Variants in KHDRBS2 observed in about 807,000 individuals in gnomAD.
KHDRBS2 encodes the protein KH domain-containing, RNA-binding, signal transduction-associated protein 2.
A neutral mutation model predicts 44.3 loss-of-function variants in KHDRBS2; 26 were observed. The observed-to-expected ratio is 0.59, with a 90% CI of 0.43 to 0.81. The LOEUF (loss-of-function observed/expected upper bound fraction) is 0.81, where lower values mean the gene tolerates loss of function less well. Ranked by LOEUF, KHDRBS2 falls within the 40% of genes least tolerant of loss-of-function variation. The pLI is 0.00. For missense variants in KHDRBS2, 476 were observed against 433.1 expected (o/e 1.10, Z -0.88); for synonymous variants, 194 against 151.1 (o/e 1.28, Z -2.08).
chr6:61,987,161 C>T (rs1360736407), intron 3 of KHDRBS2, among the ~76,000 whole-genome samples: 2 of 152,150 alleles, frequency 1.3e-5, no homozygotes, highest in Non-Finnish European at 2.9e-5. Flanking sequence ...CTATTTCAGC[C>T]TTCGAATTCC....
At chr6:61,797,755 GTGTGTGTGTA>G (rs1785596045) in intron 6 of KHDRBS2, among the ~76,000 whole-genome samples, 1 of 145,498 alleles carries the variant, frequency 6.9e-6, no homozygotes, top group African/African-American at 2.5e-5. Flanking sequence ...GTGTGTGTGT[GTGTGTGTGTA>G]TGTATATATA....
chr6:61,664,691 C>T, the KHDRBS2 span, among the ~76,000 whole-genome samples: 24 of 151,680 alleles, frequency 1.6e-4, no homozygotes, highest in African/African-American at 5.8e-4. Flanking sequence ...TGGAAAATGA[C>T]AAATTTATCA....
chr6:61,899,733 G>GCC (rs34822365), intron 5 of KHDRBS2, among the ~76,000 whole-genome samples: 28,737 of 121,530 alleles, frequency 0.24, 4,092 homozygotes, highest in Non-Finnish European at 0.32. Context: ...TTGTTTTAAT[G>GCC]CCCCCCCCCC....
At position 61,686,899 on chromosome 6, in the gene KHDRBS2, CA is replaced by C. The variant is rs534792878; in HGVS notation, c.953-5840del. ...TTGATTCCAACAACAATTAATTAGC[CA>C]AAAAAAATGAGATTTACTGTAGTTT... On this transcript the variant is annotated intron_variant, in intron 8 of 8. Transcript: ENST00000281156. Among the ~76,000 whole-genome samples, 337 of 149,814 alleles carry C rather than the reference CA, an allele frequency of 2.2e-3. 4 individuals are homozygous for C. Among genetic ancestry groups the C allele is most frequent in the Admixed American group, 6.8e-3 (102 of 14,960 alleles).
chr6:61,913,975 G>C (rs1225410641), intron 4 of KHDRBS2, among the ~76,000 whole-genome samples: 2 of 152,016 alleles, frequency 1.3e-5, no homozygotes, highest in African/African-American at 4.8e-5. Flanking sequence ...AGTGCTTCTG[G>C]ACTTTATTGT....
At chr6:61,958,970 C>A (rs1258707446) in intron 4 of KHDRBS2, among the ~76,000 whole-genome samples, 1 of 152,208 alleles carries the variant, frequency 6.6e-6, no homozygotes, top group Non-Finnish European at 1.5e-5. Context: ...ACAGACAATG[C>A]TGCAGAACAA....
intron 2 of KHDRBS2, among the ~76,000 whole-genome samples, chr6:62,060,671 G>T (rs1156989822): frequency 6.6e-6 from 1 of 150,768 alleles, no homozygotes; most frequent in Non-Finnish European, 1.5e-5. Flanking sequence ...ATTTAAAAGA[G>T]AAATATCTAC....
chr6:62,080,305 C>T (rs916380143), intron 2 of KHDRBS2, among the ~76,000 whole-genome samples: 28 of 152,192 alleles, frequency 1.8e-4, no homozygotes, highest in African/African-American at 6.0e-4. Flanking sequence ...GCACAAACCT[C>T]TATAGACAAA....
At chr6:61,547,032 C>T in the KHDRBS2 span, among the ~76,000 whole-genome samples, 1 of 152,018 alleles carries the variant, frequency 6.6e-6, no homozygotes, top group Non-Finnish European at 1.5e-5. Flanking sequence ...CACACCCACA[C>T]TCACTCAGAT....
At chr6:62,081,922 A>G (rs1797478987) in intron 2 of KHDRBS2, among the ~76,000 whole-genome samples, 4 of 152,088 alleles carry the variant, frequency 2.6e-5, no homozygotes, top group Admixed American at 2.6e-4. Context: ...GTCAGATTTA[A>G]GTATTTAGTA....
chr6:61,565,352 A>G, the KHDRBS2 span, among the ~76,000 whole-genome samples: 1 of 152,204 alleles, frequency 6.6e-6, no homozygotes, highest in Non-Finnish European at 1.5e-5. Context: ...TGCACAACAA[A>G]GAAAACAATC....
At chr6:61,776,941 T>C (rs1440512928) in intron 6 of KHDRBS2, among the ~76,000 whole-genome samples, 4 of 152,130 alleles carry the variant, frequency 2.6e-5, no homozygotes, top group African/African-American at 9.7e-5. Flanking sequence ...ATATACACCA[T>C]GGAATACTAT....
chr6:61,647,702 G>T, the KHDRBS2 span, among the ~76,000 whole-genome samples: 2 of 152,150 alleles, frequency 1.3e-5, no homozygotes, highest in African/African-American at 4.8e-5. Flanking sequence ...AGCTAAAGAA[G>T]TAGAGGATAT....
chr6:61,614,304 A>G, the KHDRBS2 span, among the ~76,000 whole-genome samples: 3 of 152,170 alleles, frequency 2.0e-5, no homozygotes, highest in African/African-American at 7.2e-5. Flanking sequence ...GTAGTAACAT[A>G]AATAGTCATG....
Position 62,285,953 on chromosome 6 carries a change from C to G in KHDRBS2, c.-5G>C, listed in dbSNP as rs768147339. 51 of 1,591,616 alleles carry G rather than the reference C, an allele frequency of 3.2e-5. 1 individual carries two copies. In the East Asian group the frequency reaches 9.2e-4, roughly 29 times the overall value. The stretch of plus-strand genomic sequence containing the variant: ...CAAATATTTCTCCTCTTCCATAGCG[C>G]GGACTTCGGATTGTCCCCGGGCGAA... On this transcript the variant is annotated 5_prime_UTR_variant, in exon 1 of 9. Coordinates refer to ENST00000281156, the MANE Select transcript of KHDRBS2 (RefSeq NM_152688.4).
chr6:62,149,311 C>T lies in KHDRBS2; in HGVS notation c.219+27874G>A, dbSNP rs1814598652. 2.0e-5 allele frequency among the ~76,000 whole-genome samples: 3 copies of T among 152,160 alleles called. No homozygotes were observed. The Middle Eastern group carries it at 0.01, about 518-fold the overall frequency. ...TTTAATACAATGAATAATCCTATCC[C>T]TTCACCCTTTCTCTTTTCCTTTCTT... On this transcript the variant is annotated intron_variant, in intron 2 of 8. Transcript: ENST00000281156.
chr6:62,134,149 C>T (rs1242239502), intron 2 of KHDRBS2, among the ~76,000 whole-genome samples: 1 of 152,152 alleles, frequency 6.6e-6, no homozygotes, highest in Non-Finnish European at 1.5e-5. Flanking sequence ...TTATTACAGA[C>T]CCAGAGGCCT....
At chr6:61,741,453 T>A (rs1438620208) in intron 6 of KHDRBS2, among the ~76,000 whole-genome samples, 1 of 151,964 alleles carries the variant, frequency 6.6e-6, no homozygotes, top group Non-Finnish European at 1.5e-5. Flanking sequence ...CACTGACAGT[T>A]CAGATAATTT....
chr6:62,226,965 C>A (rs1033208715), intron 1 of KHDRBS2, among the ~76,000 whole-genome samples: 2 of 152,132 alleles, frequency 1.3e-5, no homozygotes, highest in African/African-American at 4.8e-5. Context: ...CATGATGACT[C>A]CAGCTTTGTT....
Sources: allele counts gnomAD v4.1 joint callset (sites outside exome capture counted in the v4.1 genomes callset), GRCh38; gene constraint gnomAD v4.1.1; transcripts MANE v1.5; gene names NCBI Gene and HGNC (gene_info 2026-07-23, HGNC 2026-07-21).